Variants in MYO19 observed in about 807,000 individuals in gnomAD.
MYO19 encodes unconventional myosin-XIX.
Under a neutral mutation model 129.2 loss-of-function variants are expected in MYO19, and 132 were observed. That is an observed-to-expected ratio of 1.02 (90% CI 0.89 to 1.18). MYO19 has a LOEUF of 1.18. MYO19 is among the 50% of genes most tolerant of loss of function. MYO19 has a pLI of 0.00. For missense variants in MYO19, 1,210 were observed against 1,216.7 expected (o/e 0.99, Z 0.08); for synonymous variants, 531 against 477.2 (o/e 1.11, Z -1.47).
At chr17:36,526,442 C>G (rs902005238) in intron 5 of MYO19, among the ~76,000 whole-genome samples, 7 of 152,190 alleles carry the variant, frequency 4.6e-5, no homozygotes, top group Non-Finnish European at 1.0e-4. Flanking sequence ...TTTACACCAA[C>G]AAGCTCATTA....
chr17:36,535,141 C>T (rs1259403695), upstream of MYO19: 2 of 150,270 alleles, frequency 1.3e-5, no homozygotes, highest in Non-Finnish European at 2.9e-5. Flanking sequence ...GCACGGTTTC[C>T]TGGGCCTTCG....
chr17:36,532,778 G>A (rs2073902222), intron 2 of MYO19, 97 bp from the exon 3 acceptor site: 1 of 593,774 alleles, frequency 1.7e-6, no homozygotes, highest in African/African-American at 1.9e-5. Context: ...CAACCAAAAT[G>A]AGATGCAAGG....
intron 6 of MYO19, among the ~76,000 whole-genome samples, chr17:36,518,497 A>G (rs1172901501): frequency 6.7e-4 from 12 of 18,038 alleles, no homozygotes; most frequent in Non-Finnish European, 1.3e-3. Flanking sequence ...AGGAAAAAAA[A>G]AAAAAAAAAA....
At chr17:36,514,732 G>A (rs1392413644) in intron 8 of MYO19, among the ~76,000 whole-genome samples, 184 bp from the exon 9 acceptor site, 1 of 152,198 alleles carries the variant, frequency 6.6e-6, no homozygotes, top group Non-Finnish European at 1.5e-5. Context: ...ATATTCCCCT[G>A]CATCTAGCTC....
At chr17:36,530,518 G>A (rs1463606751) in intron 3 of MYO19, among the ~76,000 whole-genome samples, 3 of 139,262 alleles carry the variant, frequency 2.2e-5, no homozygotes, top group Non-Finnish European at 3.1e-5. Context: ...GTGCAGTGGC[G>A]CGATCTCGAC....
intron 23 of MYO19, chr17:36,499,614 A>T (rs2071322753): frequency 7.0e-6 from 1 of 142,898 alleles, no homozygotes; most frequent in African/African-American, 2.6e-5. Flanking sequence ...GATGGTGGTA[A>T]TTTTTATTCC....
chr17:36,532,387 G>T, intron 3 of MYO19, 140 bp downstream of exon 3: 1 of 978,468 alleles, frequency 1.0e-6, no homozygotes, highest in Non-Finnish European at 1.6e-6. Flanking sequence ...GTTTCTTGAT[G>T]ATGAGTAAAA....
chr17:36,511,240 C>A, intron 12 of MYO19, 125 bp downstream of exon 12: 1 of 1,013,786 alleles, frequency 9.9e-7, no homozygotes. Flanking sequence ...GGGCCAGGCC[C>A]TATGGTGGGT....
chr17:36,520,677 T>C (rs1434340487), intron 6 of MYO19, among the ~76,000 whole-genome samples: 1 of 152,226 alleles, frequency 6.6e-6, no homozygotes, highest in South Asian at 2.1e-4. Flanking sequence ...GAGGATCCAC[T>C]TTCACTTAAG....
intron 6 of MYO19, among the ~76,000 whole-genome samples, chr17:36,516,261 G>A (rs1227263750): frequency 6.6e-6 from 1 of 152,306 alleles, no homozygotes; most frequent in East Asian, 1.9e-4. Flanking sequence ...CTCTGCAAAG[G>A]TGTGATTATA....
chr17:36,537,236 C>G (rs781294450), upstream of MYO19: 1 of 1,614,088 alleles, frequency 6.2e-7, no homozygotes, highest in South Asian at 1.1e-5. Context: ...TCTCACAGTA[C>G]TTGTGTTCTT....
Position 36,498,266 on chromosome 17 carries a change from C to T in MYO19, c.2757G>A (p.Gln919=), listed in dbSNP as rs747539948. Residue 919 remains glutamine, a splice_region_variant and synonymous_variant, in exon 25 of 26, where the codon CAG becomes CAA. Transcript: ENST00000614623. ...AGVTSIRALP[Q]GSIKFHCRKS... Reference sequence around the variant, plus strand: ...GTCATGGCCATCACACACAACGTACCTGAGGCAGCGCTCGGATGGACGTGA... The same window carrying T: ...GTCATGGCCATCACACACAACGTACTTGAGGCAGCGCTCGGATGGACGTGA... 1 of 1,609,862 alleles carries T rather than the reference C, an allele frequency of 6.2e-7. No individual in the cohort carries two copies. The highest frequency in any genetic ancestry group is 1.1e-5 in the South Asian group (1 of 91,036).
chr17:36,516,888 G>A (rs1406905450), intron 6 of MYO19, among the ~76,000 whole-genome samples: 1 of 152,106 alleles, frequency 6.6e-6, no homozygotes. Context: ...TGGGATCAGA[G>A]ATATTTCTAT....
At chr17:36,500,406 A>G (rs2071430385) in intron 23 of MYO19, 1 of 168,484 alleles carries the variant, frequency 5.9e-6, no homozygotes, top group Admixed American at 5.9e-5. Flanking sequence ...AAATAAGACC[A>G]CTATGAACAT....
At chr17:36,529,688 T>C (rs1326116191) in intron 3 of MYO19, among the ~76,000 whole-genome samples, 1 of 151,964 alleles carries the variant, frequency 6.6e-6, no homozygotes, top group Non-Finnish European at 1.5e-5. Context: ...TCTATGCATA[T>C]CCCTCTCCTT....
At chr17:36,522,025 CTTT>C (rs2073159149) in intron 6 of MYO19, among the ~76,000 whole-genome samples, 4 of 117,428 alleles carry the variant, frequency 3.4e-5, no homozygotes, top group South Asian at 2.8e-4. Context: ...GCAAGACTGT[CTTT>C]AAAAAAAAAA....
intron 20 of MYO19, 99 bp downstream of exon 20, chr17:36,503,851 T>G: frequency 9.9e-7 from 1 of 1,013,964 alleles, no homozygotes; most frequent in Non-Finnish European, 1.4e-6. Context: ...TCTCTTCATT[T>G]CCACATCTCA....
chr17:36,537,544 A>C (rs1411525426), upstream of MYO19: 1 of 1,613,974 alleles, frequency 6.2e-7, no homozygotes, highest in East Asian at 2.2e-5. Context: ...TTGGCTGTGG[A>C]CTTCCCACTT....
rs2141970222 is a variant in MYO19 at position 36,506,977 on chromosome 17, C to T, written c.1630G>A (p.Val544Met). Residue 544 changes from valine (V) to methionine (M), a missense_variant, in exon 17 of 26, where the codon GTG becomes ATG. Physicochemically the swap from Val to Met is conservative, Grantham distance 21. Coordinates refer to ENST00000614623, the MANE Select transcript of MYO19 (RefSeq NM_001163735.2). ...GPVRYHTAGL[V>M]EKNKDPIPPE... The stretch of plus-strand genomic sequence containing the variant: ...CCAGCCCGTACCTTGTTCTTCTCCA[C>T]CAGGCCTGCTGTGTGGTACCGCACA... The T allele has an allele frequency of 1.9e-6, 3 of 1,596,858 alleles. No individual in the cohort carries two copies. The highest frequency in any genetic ancestry group is 2.3e-5 in the East Asian group (1 of 44,338).
Sources: gnomAD v4.1 joint callset for allele counts (sites outside exome capture counted in the v4.1 genomes callset) on GRCh38, gnomAD v4.1.1 for gene constraint, MANE v1.5 for transcripts, NCBI Gene and HGNC (gene_info 2026-07-23, HGNC 2026-07-21) for gene names.